Variants in LPAR1 observed in about 807,000 individuals in gnomAD.
LPAR1 encodes the protein lysophosphatidic acid receptor 1, also known as LPA receptor 1.
A neutral mutation model predicts 23.8 loss-of-function variants in LPAR1; 5 were observed. The ratio of observed to expected loss-of-function variants is 0.21; its 90% CI spans 0.11 to 0.44. The LOEUF is 0.44. Ranked by LOEUF, LPAR1 falls within the 20% of genes least tolerant of loss-of-function variation. LPAR1 has a pLI of 0.99. For synonymous variants in LPAR1, 160 were observed against 164.7 expected (o/e 0.97, Z 0.22); for missense variants, 311 against 482.8 (o/e 0.64, Z 3.33).
chr9:110,941,868 G>A lies in LPAR1; in HGVS notation c.346C>T (p.Leu116=). The A allele has an allele frequency of 6.2e-7, 1 of 1,614,234 alleles. No homozygotes were observed. The highest frequency in any genetic ancestry group is 8.5e-7 in the Non-Finnish European group (1 of 1,180,022). The change falls in exon 5 of 6, where the codon CTG becomes TTG. Residue 116 remains leucine, a synonymous_variant. Coordinates refer to ENST00000683809, the MANE Select transcript of LPAR1 (RefSeq NM_001351411.2). This position sits in a 1 kb window ranked among gnomAD's most constrained non-coding sequence, Gnocchi z 6.1. The stretch of plus-strand genomic sequence containing the variant: ...CGAAGGAGCCATGTGCTAACAGTCA[G>A]TCTCCGAGTATTGGGTCCTGTGTTG... ...MFNTGPNTRR[L]TVSTWLLRQG... is the part of the protein sequence containing the mutation.
At chr9:111,033,123 T>C (rs1178708221) in intron 2 of LPAR1, among the ~76,000 whole-genome samples, 5 of 152,176 alleles carry the variant, frequency 3.3e-5, no homozygotes, top group East Asian at 1.9e-4. Flanking sequence ...TGTAGTAAAA[T>C]AGTTCTCTTT....
At chr9:111,032,559 C>A (rs560732014) in intron 2 of LPAR1, among the ~76,000 whole-genome samples, 6 of 152,104 alleles carry the variant, frequency 3.9e-5, no homozygotes, top group Non-Finnish European at 7.3e-5. Context: ...AAAAAGTTTC[C>A]TCTGCCCCTG....
chr9:110,933,056 A>G (rs887861246), intron 5 of LPAR1, among the ~76,000 whole-genome samples: 1 of 152,236 alleles, frequency 6.6e-6, no homozygotes, highest in Non-Finnish European at 1.5e-5. Context: ...GAGTCAGCAG[A>G]TCAGAACTAT....
chr9:110,924,056 G>A (rs1028969528), intron 5 of LPAR1, among the ~76,000 whole-genome samples: 1 of 151,798 alleles, frequency 6.6e-6, no homozygotes. Flanking sequence ...AACACAAATG[G>A]TTGTAACATA....
At chr9:110,918,316 GA>G (rs2134922502) in intron 5 of LPAR1, among the ~76,000 whole-genome samples, 1 of 152,196 alleles carries the variant, frequency 6.6e-6, no homozygotes, top group South Asian at 2.1e-4. Context: ...TTGGACATAA[GA>G]ACCACCCAAC....
At chr9:110,993,058 A>G (rs968481307) in intron 2 of LPAR1, among the ~76,000 whole-genome samples, 3 of 152,342 alleles carry the variant, frequency 2.0e-5, no homozygotes, top group Middle Eastern at 3.4e-3. Flanking sequence ...AAAATGTAAT[A>G]TTTAAAGAAC....
At chr9:111,024,501 T>C (rs1415476796) in intron 2 of LPAR1, among the ~76,000 whole-genome samples, 1 of 147,340 alleles carries the variant, frequency 6.8e-6, no homozygotes, top group African/African-American at 2.5e-5. Flanking sequence ...TATTTATATA[T>C]ACATAATTAT....
At chr9:111,015,823 T>A (rs1445210374) in intron 2 of LPAR1, among the ~76,000 whole-genome samples, 1 of 151,790 alleles carries the variant, frequency 6.6e-6, no homozygotes, top group Non-Finnish European at 1.5e-5. Flanking sequence ...CTATTTCTCC[T>A]GGGTGTTTGG....
intron 5 of LPAR1, among the ~76,000 whole-genome samples, chr9:110,926,186 CTGGGATTACAGGCG>C (rs1303486574): frequency 6.6e-6 from 1 of 152,220 alleles, no homozygotes; most frequent in Admixed American, 6.5e-5. Flanking sequence ...TCCCAAAGTG[CTGGGATTACAGGCG>C]TGAGCCACCA....
intron 2 of LPAR1, among the ~76,000 whole-genome samples, chr9:110,998,407 C>T: frequency 6.6e-6 from 1 of 152,096 alleles, no homozygotes; most frequent in East Asian, 1.9e-4. Flanking sequence ...TAAGGACTGC[C>T]AGAAATATTG....
chr9:110,887,419 T>C (rs1157702079), intron 5 of LPAR1, among the ~76,000 whole-genome samples: 1 of 152,096 alleles, frequency 6.6e-6, no homozygotes, highest in Non-Finnish European at 1.5e-5. Context: ...ATGTGGTCAC[T>C]GTCATTCTTT....
intron 4 of LPAR1, among the ~76,000 whole-genome samples, chr9:110,964,474 G>A (rs1397374256): frequency 6.6e-6 from 1 of 152,116 alleles, no homozygotes; most frequent in East Asian, 1.9e-4. Context: ...AACATAAGGG[G>A]ATTTTTTAAA....
intron 5 of LPAR1, among the ~76,000 whole-genome samples, chr9:110,911,578 G>C (rs2092440544): frequency 6.6e-6 from 1 of 151,892 alleles, no homozygotes; most frequent in African/African-American, 2.4e-5. Context: ...AAATTAAGAA[G>C]CAGACTTAAG....
At chr9:110,915,642 C>G (rs1458847451) in intron 5 of LPAR1, among the ~76,000 whole-genome samples, 1 of 152,146 alleles carries the variant, frequency 6.6e-6, no homozygotes, top group African/African-American at 2.4e-5. Flanking sequence ...TGTATATATA[C>G]ACACATACAT....
At chr9:110,964,762 T>C (rs1041193939) in intron 4 of LPAR1, among the ~76,000 whole-genome samples, 2 of 151,524 alleles carry the variant, frequency 1.3e-5, no homozygotes, top group Non-Finnish European at 2.9e-5. Flanking sequence ...AAAACACAGA[T>C]TTTGAAAATA....
intron 2 of LPAR1, among the ~76,000 whole-genome samples, chr9:110,986,355 C>T (rs897335020): frequency 6.6e-6 from 1 of 152,096 alleles, no homozygotes; most frequent in African/African-American, 2.4e-5. Flanking sequence ...CTTCCAACCA[C>T]AGATGAGTCT....
At chr9:110,999,492 G>A (rs912683545) in intron 2 of LPAR1, 1 of 454,568 alleles carries the variant, frequency 2.2e-6, no homozygotes, top group Non-Finnish European at 4.4e-6. Flanking sequence ...CTATCCACTT[G>A]TCTTAGTCAG....
intron 1 of LPAR1, among the ~76,000 whole-genome samples, chr9:111,037,681 A>G (rs559078733): frequency 6.6e-6 from 1 of 152,300 alleles, no homozygotes; most frequent in African/African-American, 2.4e-5. Context: ...AGAGGTGCGG[A>G]GCCCCAGGGG....
chr9:111,021,965 A>C (rs912976149), intron 2 of LPAR1, among the ~76,000 whole-genome samples: 2 of 13,118 alleles, frequency 1.5e-4, no homozygotes, highest in Admixed American at 5.8e-4. Flanking sequence ...CTCCGTCACA[A>C]AAAAAAAAAA....
Sources: gnomAD v4.1 joint callset for allele counts (sites outside exome capture counted in the v4.1 genomes callset) on GRCh38, gnomAD v4.1.1 for gene constraint, Gnocchi (gnomAD v3.1) non-coding constraint, MANE v1.5 for transcripts, NCBI Gene and HGNC (gene_info 2026-07-23, HGNC 2026-07-21) for gene names.